C3orf49: variants seen among roughly 807,000 people sequenced by gnomAD.
The protein encoded by C3orf49 is chromosome 3 open reading frame 49.
In C3orf49, 27 loss-of-function variants were observed where a neutral mutation model predicts 13.3. The observed-to-expected ratio is 2.02, with a 90% CI of 1.49 to 2.79. The LOEUF is 2.79. C3orf49 is among the 30% of genes most tolerant of loss of function. C3orf49 has a pLI of 0.00. For synonymous variants in C3orf49, 87 were observed against 47.6 expected, an observed-to-expected ratio of 1.83 and a Z score of -3.40; for missense variants, 242 against 134.2, an observed-to-expected ratio of 1.80 and a Z score of -3.97.
the C3orf49 span, among the ~76,000 whole-genome samples, chr3:63,780,911 T>A: frequency 2.0e-5 from 3 of 152,220 alleles, no homozygotes; most frequent in Admixed American, 6.5e-5. Flanking sequence ...ATAAGTAGAT[T>A]GCAAAAATTT....
intron 3 of C3orf49, 141 bp downstream of exon 3, chr3:63,827,866 A>G: frequency 1.8e-6 from 1 of 570,654 alleles, no homozygotes; most frequent in South Asian, 2.4e-5. Flanking sequence ...CTCTCCAAGA[A>G]TTTAGGGTAC....
chr3:63,840,281 GA>G (rs893353423), intron 5 of C3orf49, among the ~76,000 whole-genome samples: 1 of 150,626 alleles, frequency 6.6e-6, no homozygotes, highest in African/African-American at 2.4e-5. Context: ...GGCAAACTAG[GA>G]AAAAAAAATG....
chr3:63,799,950 C>T, the C3orf49 span, among the ~76,000 whole-genome samples: 2 of 152,084 alleles, frequency 1.3e-5, no homozygotes, highest in African/African-American at 4.8e-5. Context: ...AGCCAAGATT[C>T]CTAAGAACAA....
At chr3:63,811,917 TA>T in the C3orf49 span, among the ~76,000 whole-genome samples, 2 of 150,776 alleles carry the variant, frequency 1.3e-5, no homozygotes, top group African/African-American at 4.9e-5. Flanking sequence ...ATATTAAAAA[TA>T]AAATTAATTT....
chr3:63,826,406 T>G (rs1304333885), intron 2 of C3orf49, among the ~76,000 whole-genome samples: 2 of 151,886 alleles, frequency 1.3e-5, no homozygotes, highest in Admixed American at 1.3e-4. Flanking sequence ...TAAGCATAGG[T>G]AGAAGTTACA....
At chr3:63,786,226 G>C in the C3orf49 span, among the ~76,000 whole-genome samples, 6 of 151,972 alleles carry the variant, frequency 3.9e-5, no homozygotes, top group Admixed American at 2.0e-4. Context: ...ATACATGATA[G>C]ACGCTCAGTA....
the C3orf49 span, among the ~76,000 whole-genome samples, chr3:63,794,902 A>G: frequency 6.6e-6 from 1 of 152,158 alleles, no homozygotes; most frequent in African/African-American, 2.4e-5. Flanking sequence ...TCCATACCTA[A>G]GTAACAAAAG....
intron 5 of C3orf49, chr3:63,836,408 T>G: frequency 6.4e-7 from 1 of 1,560,846 alleles, no homozygotes; most frequent in Non-Finnish European, 8.8e-7. Flanking sequence ...TGAATGTGAA[T>G]TATCAAAACA....
chr3:63,847,101 C>A (rs1401519261), intron 6 of C3orf49, among the ~76,000 whole-genome samples: 1 of 152,026 alleles, frequency 6.6e-6, no homozygotes, highest in Non-Finnish European at 1.5e-5. Flanking sequence ...GGAAGTACCA[C>A]CACTTGTGCA....
At chr3:63,837,456 A>G (rs553937872) in intron 5 of C3orf49, among the ~76,000 whole-genome samples, 1 of 152,212 alleles carries the variant, frequency 6.6e-6, no homozygotes, top group South Asian at 2.1e-4. Context: ...ACTTAAAAAC[A>G]AGAGATTATA....
At chr3:63,797,756 T>C in the C3orf49 span, among the ~76,000 whole-genome samples, 1 of 152,162 alleles carries the variant, frequency 6.6e-6, no homozygotes, top group Non-Finnish European at 1.5e-5. Context: ...CAGCCTTTCT[T>C]TGTTGTGAAG....
chr3:63,790,342 C>T, the C3orf49 span, among the ~76,000 whole-genome samples: 10 of 152,018 alleles, frequency 6.6e-5, no homozygotes. Context: ...TGTAGGTGGG[C>T]CCAGGAATGT....
chr3:63,812,427 C>A, the C3orf49 span, among the ~76,000 whole-genome samples: 2 of 152,222 alleles, frequency 1.3e-5, no homozygotes, highest in Non-Finnish European at 2.9e-5. Context: ...CCAAACATGT[C>A]TGAGCATCTC....
At chr3:63,839,391 C>A (rs1377947562) in intron 5 of C3orf49, among the ~76,000 whole-genome samples, 1 of 152,108 alleles carries the variant, frequency 6.6e-6, no homozygotes, top group Admixed American at 6.6e-5. Flanking sequence ...TTACTAAACA[C>A]TTATGTCCTA....
the C3orf49 span, among the ~76,000 whole-genome samples, chr3:63,807,356 T>G: frequency 6.6e-6 from 1 of 151,852 alleles, no homozygotes; most frequent in Non-Finnish European, 1.5e-5. Flanking sequence ...AACCCTGGGG[T>G]GAGGGGTATG....
Position 63,827,650 on chromosome 3 carries a change from G to A in C3orf49, c.495G>A (p.Gln165=). Reference sequence around the variant, plus strand: ...AGGCAGAGACAGAGGAGATAACCCAGGGAAACACACTCCTTCGGGCCAGGA... The same window carrying A: ...AGGCAGAGACAGAGGAGATAACCCAAGGAAACACACTCCTTCGGGCCAGGA... The part of the protein sequence containing the change: ...VVEAETEEIT[Q]GNTLLRARRT... Residue 165 remains glutamine, a synonymous_variant, in exon 3 of 7, where the codon CAG becomes CAA. Coordinates refer to ENST00000295896, the MANE Select transcript of C3orf49 (RefSeq NM_001355236.2). The A allele has an allele frequency of 2.8e-6, 2 of 703,268 alleles. No homozygotes were observed. The highest frequency in any genetic ancestry group is 2.7e-5 in the East Asian group (1 of 37,286). 43.6% of individuals were successfully genotyped at this position (703,268 alleles called of 1,614,324 possible).
the C3orf49 span, among the ~76,000 whole-genome samples, chr3:63,808,426 C>T: frequency 3.1e-4 from 47 of 152,256 alleles, no homozygotes; most frequent in Admixed American, 9.8e-4. Flanking sequence ...CATTTGGAAA[C>T]AAAAAGTCAT....
the C3orf49 span, among the ~76,000 whole-genome samples, chr3:63,799,478 T>C: frequency 6.6e-6 from 1 of 151,928 alleles, no homozygotes; most frequent in Non-Finnish European, 1.5e-5. Flanking sequence ...TTTTAGCCAG[T>C]CTGGGAAGGC....
At chr3:63,834,225 C>A (rs373931203) in intron 5 of C3orf49, 3 of 1,611,812 alleles carry the variant, frequency 1.9e-6, no homozygotes, top group Middle Eastern at 1.7e-4. Flanking sequence ...AAACATAAAA[C>A]CTTAGTCAAG....
Sources: allele counts gnomAD v4.1 joint callset (sites outside exome capture counted in the v4.1 genomes callset), GRCh38; gene constraint gnomAD v4.1.1; transcripts MANE v1.5; gene names NCBI Gene and HGNC (gene_info 2026-07-23, HGNC 2026-07-21).